Variants in CSF2RA observed in about 807,000 individuals in gnomAD.
CSF2RA encodes granulocyte-macrophage colony-stimulating factor receptor subunit alpha.
In CSF2RA, 42 loss-of-function variants were observed where a neutral mutation model predicts 51.6. That is an observed-to-expected ratio of 0.81 (90% CI 0.64 to 1.05). CSF2RA has a LOEUF of 1.05. Among genes scored for constraint, CSF2RA ranks in the 50% least tolerant of loss-of-function variants. The pLI, the probability that CSF2RA is intolerant of heterozygous loss-of-function variation, is 0.00. For missense variants in CSF2RA, 530 were observed against 501.1 expected (o/e 1.06, Z -0.55); for synonymous variants, 222 against 193.0 (o/e 1.15, Z -1.24).
chrX:1,291,079 G>T (rs1470631053), intron 7 of CSF2RA, among the ~76,000 whole-genome samples: 1 of 151,848 alleles, frequency 6.6e-6, no homozygotes, highest in Non-Finnish European at 1.5e-5. Flanking sequence ...ACACCACCAC[G>T]CTCGGCTAAT....
chrX:1,289,547 TTG>T, intron 6 of CSF2RA, among the ~76,000 whole-genome samples: 1 of 150,254 alleles, frequency 6.7e-6, no homozygotes, highest in Non-Finnish European at 1.5e-5. Flanking sequence ...TCTTTTGTTT[TTG>T]TGTTTTTTTG....
Position 1,283,518 on chromosome X carries a change from CTTCT to C in CSF2RA, c.76+742_76+745del, listed in dbSNP as rs1453138113. On this transcript the variant is annotated intron_variant, in intron 3 of 12. Coordinates refer to ENST00000381529, the MANE Select transcript of CSF2RA (RefSeq NM_172245.4). ...TCTTTCTTTCTCCTTTTTTTTTCTC[CTTCT>C]TTGTTTCTTTCTTCCTCTTTCTTCT... Among the ~76,000 whole-genome samples, 8 of 130,510 alleles carry C rather than the reference CTTCT, an allele frequency of 6.1e-5. No individual in the cohort carries two copies. In the South Asian group the frequency reaches 8.0e-4, roughly 13 times the overall value. The allele number at this position is 130,510 out of a possible 152,430, so 85.6% of individuals were successfully genotyped here.
At chrX:1,311,171 C>T (rs775290034), downstream of CSF2RA, among the ~76,000 whole-genome samples, 7 of 151,778 alleles carry the variant, frequency 4.6e-5, no homozygotes, top group Admixed American at 4.6e-4. Flanking sequence ...ATTGCTTGAA[C>T]CCGGGAGGCG....
intron 4 of CSF2RA, among the ~76,000 whole-genome samples, chrX:1,287,569 G>C (rs1219383331): frequency 6.7e-6 from 1 of 148,978 alleles, no homozygotes; most frequent in East Asian, 2.0e-4. Flanking sequence ...TCAGCCTCCT[G>C]AGTAGCTGGG....
chrX:1,286,570 C>CA (rs751865388), intron 4 of CSF2RA, among the ~76,000 whole-genome samples: 19 of 142,780 alleles, frequency 1.3e-4, no homozygotes, highest in Admixed American at 3.5e-4. Flanking sequence ...ACTCTGTCTC[C>CA]AAAAAAAAAA....
chrX:1,316,973 C>CT, the CSF2RA span, among the ~76,000 whole-genome samples: 1 of 152,062 alleles, frequency 6.6e-6, no homozygotes, highest in African/African-American at 2.4e-5. Context: ...TTGAGACGGA[C>CT]TCTCACTCTG....
At chrX:1,276,866 C>T (rs1234252285) in intron 2 of CSF2RA, among the ~76,000 whole-genome samples, 4 of 151,496 alleles carry the variant, frequency 2.6e-5, no homozygotes, top group Non-Finnish European at 5.9e-5. Context: ...TTTGGGAGGC[C>T]GAGGCAGGTG....
chrX:1,305,509 C>G lies in CSF2RA; in HGVS notation c.1107C>G (p.Asn369Lys). Residue 369 changes from asparagine to lysine, a missense_variant, in exon 12 of 13, where the codon AAC becomes AAG. By Grantham distance (94) the Asn-to-Lys change is moderately conservative. Coordinates refer to ENST00000381529, the MANE Select transcript of CSF2RA (RefSeq NM_172245.4). ...AGATCAAAGACAAACTGAATGATAACCATGAGGTGGAAGACGAGGTAGGCA... is the reference window on the plus strand; with the variant it reads ...AGATCAAAGACAAACTGAATGATAAGCATGAGGTGGAAGACGAGGTAGGCA... ...VPQIKDKLND[N>K]HEVEDEIIWE... The G allele has an allele frequency of 6.2e-7, 1 of 1,613,896 alleles. No homozygotes were observed.
rs773702998 is a variant in CSF2RA, at chrX:1,294,826, A to T, written c.780+365A>T. Reference sequence around the variant, plus strand: ...CCATGTCTACCTGGACCCAGTGTAGATAGGAGGACACCCGACCCCACCTCC... The same window carrying T: ...CCATGTCTACCTGGACCCAGTGTAGTTAGGAGGACACCCGACCCCACCTCC... On this transcript the variant is annotated intron_variant, in intron 8 of 12. Coordinates refer to ENST00000381529, the MANE Select transcript of CSF2RA (RefSeq NM_172245.4). 3.0e-3 allele frequency among the ~76,000 whole-genome samples: 431 copies of T among 144,652 alleles called. 2 individuals are homozygous for T. The highest frequency in any genetic ancestry group is 4.7e-3 in the Non-Finnish European group (303 of 65,098). 94.9% of individuals were successfully genotyped at this position (144,652 alleles called of 152,430 possible).
At chrX:1,289,372 C>T (rs1448258921) in intron 6 of CSF2RA, among the ~76,000 whole-genome samples, 1 of 152,024 alleles carries the variant, frequency 6.6e-6, no homozygotes, top group Non-Finnish European at 1.5e-5. Context: ...AAGTGATCTG[C>T]CTGCCTCAAC....
the CSF2RA span, among the ~76,000 whole-genome samples, chrX:1,324,458 AAGAG>A: frequency 2.0e-5 from 2 of 102,302 alleles, no homozygotes; most frequent in Non-Finnish European, 4.6e-5. Context: ...AAGAAAAAGA[AAGAG>A]AAAGGGCAAG....
chrX:1,310,019 A>C, downstream of CSF2RA: 1 of 397,988 alleles, frequency 2.5e-6, no homozygotes, highest in Non-Finnish European at 4.4e-6. Flanking sequence ...ACATAGCAAG[A>C]CCCTGTCTCT....
chrX:1,323,850 TA>T, the CSF2RA span, among the ~76,000 whole-genome samples: 1 of 151,262 alleles, frequency 6.6e-6, no homozygotes, highest in Non-Finnish European at 1.5e-5. Context: ...CCGTCTCTAA[TA>T]AAAATACAAA....
At chrX:1,305,367 C>A in intron 11 of CSF2RA, 79 bp from the exon 12 acceptor site, 1 of 1,496,766 alleles carries the variant, frequency 6.7e-7, no homozygotes, top group Non-Finnish European at 9.3e-7. Flanking sequence ...CACGCAGCAT[C>A]CCTCGGCACA....
chrX:1,312,473 C>T (rs1159440755), downstream of CSF2RA, among the ~76,000 whole-genome samples: 4 of 151,996 alleles, frequency 2.6e-5, no homozygotes, highest in Middle Eastern at 3.2e-3. Flanking sequence ...GGAATTAGGA[C>T]GTGGACATAT....
the CSF2RA span, among the ~76,000 whole-genome samples, chrX:1,318,081 C>T: frequency 2.1e-5 from 3 of 145,420 alleles, no homozygotes; most frequent in Non-Finnish European, 3.1e-5. Flanking sequence ...CTCCACTTCC[C>T]GGGTTCAAGC....
chrX:1,307,677 A>C (rs1386248525), intron 12 of CSF2RA, among the ~76,000 whole-genome samples: 1 of 129,982 alleles, frequency 7.7e-6, no homozygotes, highest in African/African-American at 3.0e-5. Flanking sequence ...TCCCCTTTAT[A>C]CCTTCGACTG....
At chrX:1,282,924 A>G (rs1307324072) in intron 3 of CSF2RA, 145 bp downstream of exon 3, 22 of 792,588 alleles carry the variant, frequency 2.8e-5, no homozygotes, top group Non-Finnish European at 4.1e-5. Flanking sequence ...AACCCACCAG[A>G]AGCTCAGAGC....
chrX:1,269,642 A>AAG (rs1569486168), intron 1 of CSF2RA, among the ~76,000 whole-genome samples: 1 of 142,396 alleles, frequency 7.0e-6, no homozygotes, highest in Non-Finnish European at 1.5e-5. Flanking sequence ...AAAAAGAAAA[A>AAG]AAAAGAGATG....
Sources: allele counts gnomAD v4.1 joint callset (sites outside exome capture counted in the v4.1 genomes callset), GRCh38; gene constraint gnomAD v4.1.1; transcripts MANE v1.5; gene names NCBI Gene and HGNC (gene_info 2026-07-23, HGNC 2026-07-21).